ARMCX4: variants seen among roughly 807,000 people sequenced by gnomAD.
ARMCX4 encodes the protein armadillo repeat-containing X-linked protein 4.
Under a neutral mutation model 34.7 loss-of-function variants are expected in ARMCX4, and 3 were observed. The observed-to-expected ratio is 0.09, with a 90% CI of 0.04 to 0.22. ARMCX4 has a LOEUF of 0.22. Among genes scored for constraint, ARMCX4 ranks in the 10% least tolerant of loss-of-function variants. ARMCX4 has a pLI of 1.00. For synonymous variants in ARMCX4, 513 were observed against 632.8 expected (o/e 0.81, Z 2.84); for missense variants, 1,448 against 1,720.8 (o/e 0.84, Z 2.81).
intron 11 of ARMCX4, among the ~76,000 whole-genome samples, chrX:101,526,984 A>G (rs1206089065): frequency 8.9e-6 from 1 of 111,906 alleles, no homozygotes; most frequent in African/African-American, 3.2e-5. Flanking sequence ...AAGCGGACCT[A>G]ATAGACATCT....
rs1322685554 is a variant in ARMCX4 at position 101,490,001 on chromosome X, G to C, written c.1412G>C (p.Cys471Ser). 14 of 1,153,802 alleles carry C rather than the reference G, an allele frequency of 1.2e-5. No individual in the cohort carries two copies. The highest frequency in any genetic ancestry group is 1.9e-5 in the South Asian group (1 of 52,575). Residue 471 changes from cysteine to serine, a missense_variant, in exon 6 of 6, where the codon TGT becomes TCT. By Grantham distance (112) the Cys-to-Ser change is moderately radical. Transcript: ENST00000423738. ...GGGGATGGGACAGACATGTTGTCCT[G>C]TACACAGCCTCAGCTTGTGGCCAGT... ...KVGDGTDMLS[C>S]TQPQLVASVQ...
In ARMCX4 at chrX:101,495,477, C is replaced by A; in HGVS notation, c.*15C>A. 9.2e-7 allele frequency: 1 copy of A among 1,087,230 alleles called. No individual in the cohort carries two copies. The highest frequency in any genetic ancestry group is 1.2e-6 in the Non-Finnish European group (1 of 841,035). 89.6% of individuals were successfully genotyped at this position (1,087,230 alleles called of 1,213,427 possible). A position where few individuals can be genotyped will look rare whatever the true frequency, so the allele number is the denominator to read the frequency against. ...GTAAACTCTGATTGGCTGTATGTTCCCAAACAAATTTGAGTAATATTTTGG... is the reference window on the plus strand; with the variant it reads ...GTAAACTCTGATTGGCTGTATGTTCACAAACAAATTTGAGTAATATTTTGG... On this transcript the variant is annotated 3_prime_UTR_variant, in exon 6 of 6. Transcript: ENST00000423738.
Position 101,488,705 on chromosome X carries a change from C to T in ARMCX4, c.116C>T (p.Ala39Val), listed in dbSNP as rs1933856085. The change falls in exon 6 of 6, where the codon GCC becomes GTC. Residue 39 changes from alanine (A) to valine (V), a missense_variant. By Grantham distance (64) the Ala-to-Val change is moderately conservative. Around this residue, in one of 2 missense-constraint regions of ARMCX4, gnomAD observed 1,343 missense variants for 1,540.7 expected, o/e 0.87. Coordinates refer to ENST00000423738, the MANE Select transcript of ARMCX4 (RefSeq NM_001256155.3). ...KGRAQSVRTL[A>V]RNGSTVKMET... ...AGAGCCCAGAGTGTGAGGACTCTTGCCAGAAATGGATCCACAGTTAAGATG... is the reference window on the plus strand; with the variant it reads ...AGAGCCCAGAGTGTGAGGACTCTTGTCAGAAATGGATCCACAGTTAAGATG... 2 of 1,154,130 alleles carry T rather than the reference C, an allele frequency of 1.7e-6. No individual in the cohort carries two copies. Among genetic ancestry groups the T allele is most frequent in the Non-Finnish European group, 2.3e-6 (2 of 872,565 alleles).
At position 101,490,216 on chromosome X, in the gene ARMCX4, G is replaced by A. The variant is rs1556008303; in HGVS notation, c.1627G>A (p.Asp543Asn). 8.7e-7 allele frequency: 1 copy of A among 1,155,497 alleles called. No individual in the cohort carries two copies. Among genetic ancestry groups the A allele is most frequent in the Non-Finnish European group, 1.1e-6 (1 of 872,793 alleles). ...KAKCKTGPGM[D>N]MKTCTQPQAG... The stretch of plus-strand genomic sequence containing the variant: ...CAAGTGTAAGACAGGGCCTGGGATG[G>A]ACATGAAAACCTGTACACAACCTCA... The change falls in exon 6 of 6, where the codon GAC becomes AAC. Residue 543 changes from aspartate (D) to asparagine (N), a missense_variant. Asp to Asn is a conservative substitution (Grantham distance 23). Coordinates refer to ENST00000423738, the MANE Select transcript of ARMCX4 (RefSeq NM_001256155.3).
chrX:101,486,839 A>T (rs1409222096), intron 2 of ARMCX4, among the ~76,000 whole-genome samples: 1 of 109,642 alleles, frequency 9.1e-6, no homozygotes, highest in Non-Finnish European at 1.9e-5. Context: ...AGGTGGGAGG[A>T]TCTTTTGAGC....
upstream of ARMCX4, among the ~76,000 whole-genome samples, chrX:101,484,829 A>G (rs1453971690): frequency 2.7e-5 from 3 of 111,807 alleles, no homozygotes; most frequent in Non-Finnish European, 5.6e-5. Flanking sequence ...GTCTTTTGTT[A>G]TTTTTACACC....
downstream of ARMCX4, among the ~76,000 whole-genome samples, chrX:101,533,897 A>G (rs1374595323): frequency 9.0e-5 from 10 of 111,509 alleles, no homozygotes; most frequent in African/African-American, 2.6e-4. Context: ...AGGAAGGGGC[A>G]GGCAAGATTA....
At position 101,492,619 on chromosome X, in the gene ARMCX4, C is replaced by T. The variant is rs1556009870; in HGVS notation, c.4030C>T (p.Pro1344Ser). The T allele has an allele frequency of 8.9e-7, 1 of 1,124,320 alleles. No individual in the cohort carries two copies. Among genetic ancestry groups the T allele is most frequent in the Admixed American group, 2.8e-5 (1 of 36,115 alleles). 92.7% of individuals were successfully genotyped at this position (1,124,320 alleles called of 1,213,427 possible). A position where few individuals can be genotyped will look rare whatever the true frequency, so the allele number is the denominator to read the frequency against. The change falls in exon 6 of 6, where the codon CCT becomes TCT. Residue 1344 changes from proline to serine, a missense_variant. This residue lies in a region of ARMCX4 where 1,343 missense variants were observed against 1,540.7 expected (regional missense o/e 0.87). Transcript: ENST00000423738. The part of the protein sequence containing the change: ...GQASGGSMLG[P>S]EDQSSGRSWA... ...GGCTAGTGGAGGGTCAATGTTGGGG[C>T]CTGAGGACCAGTCCAGTGGAAGGTC...
At chrX:101,469,781 T>C (rs1223070615) in intron 4 of ARMCX4, among the ~76,000 whole-genome samples, 1 of 110,887 alleles carries the variant, frequency 9.0e-6, no homozygotes, top group African/African-American at 3.3e-5. Flanking sequence ...CAGACCAAAT[T>C]GAGGACTAGC....
chrX:101,433,265 TATGTAC>T, intron 2 of ARMCX4, among the ~76,000 whole-genome samples: 1 of 108,174 alleles, frequency 9.2e-6, no homozygotes. Flanking sequence ...TATATACATA[TATGTAC>T]ACATGTACGT....
chrX:101,515,910 G>GAGTT (rs782132125), intron 11 of ARMCX4, among the ~76,000 whole-genome samples: 1 of 111,123 alleles, frequency 9.0e-6, no homozygotes, highest in South Asian at 3.8e-4. Flanking sequence ...ACTGGAAACA[G>GAGTT]AGTTATTAGT....
chrX:101,424,912 T>C (rs1555990682), intron 2 of ARMCX4, among the ~76,000 whole-genome samples: 2 of 112,053 alleles, frequency 1.8e-5, no homozygotes, highest in African/African-American at 6.5e-5. Context: ...GGTAGTTGGA[T>C]GGATGGATCT....
intron 10 of ARMCX4, among the ~76,000 whole-genome samples, chrX:101,510,705 T>C (rs180693895): frequency 2.7e-5 from 3 of 112,106 alleles, no homozygotes; most frequent in African/African-American, 9.7e-5. Context: ...CTTCTAAAAT[T>C]GTGTTACTGT....
At chrX:101,449,192 C>T (rs1931835268), downstream of ARMCX4, among the ~76,000 whole-genome samples, 1 of 112,221 alleles carries the variant, frequency 8.9e-6, no homozygotes, top group African/African-American at 3.2e-5. Flanking sequence ...AGGCGTGAGC[C>T]ACCTCGCCTG....
chrX:101,454,270 CTT>C (rs781962059), intron 4 of ARMCX4, among the ~76,000 whole-genome samples: 1 of 100,639 alleles, frequency 9.9e-6, no homozygotes. Flanking sequence ...TGGCCAATTT[CTT>C]TTTTTTTTTT....
chrX:101,522,223 C>A, intron 11 of ARMCX4, among the ~76,000 whole-genome samples: 1 of 111,033 alleles, frequency 9.0e-6, no homozygotes, highest in Non-Finnish European at 1.9e-5. Context: ...TCTTTTTGAC[C>A]TTTTCATCAT....
intron 11 of ARMCX4, among the ~76,000 whole-genome samples, chrX:101,529,425 A>G (rs1361344800): frequency 8.9e-6 from 1 of 112,140 alleles, no homozygotes; most frequent in Non-Finnish European, 1.9e-5. Context: ...AGGCATAGTC[A>G]AGGACTTCAT....
At chrX:101,464,059 A>G (rs2147611695) in intron 4 of ARMCX4, among the ~76,000 whole-genome samples, 1 of 109,532 alleles carries the variant, frequency 9.1e-6, no homozygotes, top group East Asian at 3.0e-4. Context: ...CGCCCAGCCT[A>G]TTTTTTCTAA....
intron 2 of ARMCX4, among the ~76,000 whole-genome samples, chrX:101,432,940 A>G (rs781991557): frequency 2.0e-5 from 2 of 99,453 alleles, no homozygotes; most frequent in South Asian, 4.4e-4. Flanking sequence ...ATATACGTGT[A>G]TATATACACA....
Sources: allele counts gnomAD v4.1 joint callset (sites outside exome capture counted in the v4.1 genomes callset), GRCh38; gene constraint gnomAD v4.1.1; regional missense constraint gnomAD v4.1.1; transcripts MANE v1.5; gene names NCBI Gene and HGNC (gene_info 2026-07-23, HGNC 2026-07-21).